SCAPER: variants seen among roughly 807,000 people sequenced by gnomAD.
SCAPER encodes S-phase cyclin A associated protein in the ER.
Under a neutral mutation model 182.2 loss-of-function variants are expected in SCAPER, and 98 were observed. The ratio of observed to expected loss-of-function variants is 0.54; its 90% CI spans 0.46 to 0.64. SCAPER has a LOEUF of 0.64. Ranked by LOEUF, SCAPER falls within the 30% of genes least tolerant of loss-of-function variation. The pLI is 0.00. For missense variants in SCAPER, 1,432 were observed against 1,690.0 expected (o/e 0.85, Z 2.68); for synonymous variants, 605 against 564.6 (o/e 1.07, Z -1.01).
intron 15 of SCAPER, among the ~76,000 whole-genome samples, chr15:76,741,723 T>C (rs1313009376): frequency 2.6e-5 from 4 of 152,102 alleles, no homozygotes; most frequent in African/African-American, 9.7e-5. Context: ...ATGAAGTAAA[T>C]GAATACAAGT....
chr15:76,770,342 T>G (rs1160252463), intron 10 of SCAPER, among the ~76,000 whole-genome samples: 1 of 151,604 alleles, frequency 6.6e-6, no homozygotes, highest in Admixed American at 6.6e-5. Context: ...ACCCTAGAAT[T>G]TAAAGTATAA....
At chr15:76,878,437 T>C (rs947333738) in intron 2 of SCAPER, among the ~76,000 whole-genome samples, 2 of 151,904 alleles carry the variant, frequency 1.3e-5, no homozygotes, top group African/African-American at 4.8e-5. Flanking sequence ...TAGAAAGAAA[T>C]AATTAGGACA....
At chr15:76,375,225 A>T (rs1730748772) in intron 29 of SCAPER, among the ~76,000 whole-genome samples, 1 of 151,442 alleles carries the variant, frequency 6.6e-6, no homozygotes, top group South Asian at 2.1e-4. Flanking sequence ...CAAAAAAAAA[A>T]AAAAAAAAAA....
chr15:76,542,153 A>G (rs552320034), intron 23 of SCAPER, among the ~76,000 whole-genome samples: 1 of 152,190 alleles, frequency 6.6e-6, no homozygotes, highest in East Asian at 1.9e-4. Flanking sequence ...AATTCAATCT[A>G]CTTCTCATAT....
At chr15:76,459,975 G>A (rs2142948248) in intron 25 of SCAPER, among the ~76,000 whole-genome samples, 1 of 152,186 alleles carries the variant, frequency 6.6e-6, no homozygotes, top group Non-Finnish European at 1.5e-5. Context: ...AAATCAGTTG[G>A]CTGCAAATAA....
chr15:76,360,247 C>A (rs2041304411), intron 29 of SCAPER, among the ~76,000 whole-genome samples: 1 of 152,188 alleles, frequency 6.6e-6, no homozygotes. Context: ...GTTAACACAG[C>A]AGAAAACCTG....
rs748676101 is a variant in SCAPER, at chr15:76,701,788, G to A, written c.2478C>T (p.Ile826=). Residue 826 remains isoleucine, a synonymous_variant, in exon 20 of 32, where the codon ATC becomes ATT. Coordinates refer to ENST00000563290, the MANE Select transcript of SCAPER (RefSeq NM_020843.4). ...CTTCATCTGACAGTTCACGCCCCTG[G>A]ATGCTGGTATTCTCTCTCACGGCTT... ...HQQAVRENTS[I]QGRELSDEEV... is the part of the protein sequence containing the mutation. 4 of 1,613,740 alleles carry A rather than the reference G, an allele frequency of 2.5e-6. No homozygotes were observed. The highest frequency in any genetic ancestry group is 1.1e-5 in the South Asian group (1 of 91,076).
intron 20 of SCAPER, among the ~76,000 whole-genome samples, chr15:76,671,596 C>T (rs183018539): frequency 4.6e-5 from 7 of 151,908 alleles, no homozygotes; most frequent in East Asian, 1.9e-4. Context: ...GGTGAAACGC[C>T]GTCTCTACTA....
At chr15:76,850,862 AAAAAAAAAAAAAAAAG>A (rs2070677477) in intron 4 of SCAPER, among the ~76,000 whole-genome samples, 1 of 149,066 alleles carries the variant, frequency 6.7e-6, no homozygotes, top group African/African-American at 2.5e-5. Flanking sequence ...TCTGTCTCAA[AAAAAAAAAAAAAAAAG>A]AAAAAAAAAG....
At chr15:76,429,871 C>T (rs2046745909) in intron 26 of SCAPER, among the ~76,000 whole-genome samples, 1 of 152,158 alleles carries the variant, frequency 6.6e-6, no homozygotes, top group South Asian at 2.1e-4. Context: ...AAAATGTCGC[C>T]AGGGCATGTC....
chr15:76,350,778 TCAAAA>T (rs1419163629), intron 31 of SCAPER: 1 of 152,538 alleles, frequency 6.6e-6, no homozygotes, highest in Non-Finnish European at 1.5e-5. Flanking sequence ...ACAATTATTT[TCAAAA>T]CAAAAGTTCA....
At chr15:76,375,536 C>T (rs1221273900) in intron 29 of SCAPER, among the ~76,000 whole-genome samples, 1 of 152,102 alleles carries the variant, frequency 6.6e-6, no homozygotes, top group Non-Finnish European at 1.5e-5. Context: ...ATAGCTAGAG[C>T]AGCAGACTCC....
Position 76,758,141 on chromosome 15 carries a change from T to C in SCAPER, c.1726-4193A>G, listed in dbSNP as rs568693610. Among the ~76,000 whole-genome samples, 29 of 152,312 alleles carry C rather than the reference T, an allele frequency of 1.9e-4. 1 individual carries two copies. Among genetic ancestry groups the C allele is most frequent in the Non-Finnish European group, 3.7e-4 (25 of 68,020 alleles). On this transcript the variant is annotated intron_variant, in intron 14 of 31. Transcript: ENST00000563290. The stretch of plus-strand genomic sequence containing the variant: ...TTTGCTTTTGTTGACTGTGTTTTTC[T>C]GTCATATTCAAAAAATTATCACCAA...
chr15:76,620,076 C>CA (rs148326933), intron 22 of SCAPER, among the ~76,000 whole-genome samples: 1 of 151,650 alleles, frequency 6.6e-6, no homozygotes, highest in African/African-American at 2.4e-5. Context: ...ACTCTGTCTT[C>CA]AAAAAATATA....
intron 23 of SCAPER, among the ~76,000 whole-genome samples, chr15:76,564,790 C>G (rs2046904752): frequency 6.6e-6 from 1 of 152,070 alleles, no homozygotes; most frequent in Non-Finnish European, 1.5e-5. Flanking sequence ...CTACGATAAC[C>G]AAAACAGCAT....
At chr15:76,779,051 T>C (rs984995546) in intron 8 of SCAPER, among the ~76,000 whole-genome samples, 7 of 152,026 alleles carry the variant, frequency 4.6e-5, no homozygotes, top group African/African-American at 1.7e-4. Flanking sequence ...TTATAGGATA[T>C]AGGATATAGG....
intron 23 of SCAPER, among the ~76,000 whole-genome samples, chr15:76,561,191 C>T (rs1393421002): frequency 6.6e-6 from 1 of 152,090 alleles, no homozygotes; most frequent in Non-Finnish European, 1.5e-5. Context: ...TAAGCAGAAA[C>T]CTTAATAAGC....
chr15:76,659,255 G>T (rs1324708698), intron 21 of SCAPER, among the ~76,000 whole-genome samples: 2 of 151,950 alleles, frequency 1.3e-5, no homozygotes, highest in Non-Finnish European at 2.9e-5. Flanking sequence ...TTAAAAAGTG[G>T]GCAAAGAATA....
chr15:76,784,723 A>G (rs555471453), intron 8 of SCAPER, among the ~76,000 whole-genome samples: 1 of 152,342 alleles, frequency 6.6e-6, no homozygotes, highest in East Asian at 1.9e-4. Context: ...GGCCTCAGAA[A>G]TAACACCACA....
Sources: allele counts gnomAD v4.1 joint callset (sites outside exome capture counted in the v4.1 genomes callset), GRCh38; gene constraint gnomAD v4.1.1; transcripts MANE v1.5; gene names NCBI Gene and HGNC (gene_info 2026-07-23, HGNC 2026-07-21).